The following XRCC5 variants were observed in gnomAD, a reference collection of about 807,000 sequenced individuals.
The protein encoded by XRCC5 is X-ray repair cross complementing 5, also known as DNA repair protein Ku80.
A neutral mutation model predicts 95.7 loss-of-function variants in XRCC5; 12 were observed. The observed-to-expected ratio is 0.13, with a 90% CI of 0.08 to 0.20. The LOEUF (loss-of-function observed/expected upper bound fraction) is 0.20. Among genes scored for constraint, XRCC5 ranks in the 10% least tolerant of loss-of-function variants. The pLI is 1.00. For synonymous variants in XRCC5, 281 were observed against 290.3 expected (o/e 0.97, Z 0.33); for missense variants, 595 against 873.9 (o/e 0.68, Z 4.02).
intron 8 of XRCC5, among the ~76,000 whole-genome samples, chr2:216,128,274 G>C (rs1305999220): frequency 6.6e-6 from 1 of 152,166 alleles, no homozygotes. Flanking sequence ...GATACCAAAT[G>C]ATGGTTAAGA....
At chr2:216,199,810 C>CTTTTTT (rs375975027) in intron 19 of XRCC5, among the ~76,000 whole-genome samples, 1 of 120,274 alleles carries the variant, frequency 8.3e-6, no homozygotes, top group African/African-American at 3.1e-5. Context: ...GCATTGGGAT[C>CTTTTTT]TTTTTTTTTT....
At chr2:216,176,532 A>G (rs1553577232) in intron 16 of XRCC5, among the ~76,000 whole-genome samples, 1 of 152,180 alleles carries the variant, frequency 6.6e-6, no homozygotes, top group Non-Finnish European at 1.5e-5. Flanking sequence ...TATAACATTG[A>G]TTATTATTCC....
intron 13 of XRCC5, among the ~76,000 whole-genome samples, chr2:216,147,066 CAG>C (rs1688649757): frequency 9.9e-6 from 1 of 100,826 alleles, no homozygotes; most frequent in Non-Finnish European, 2.0e-5. Context: ...AGGGAAGTGA[CAG>C]AAAATGACTG....
At chr2:216,127,805 G>A in intron 8 of XRCC5, 131 bp downstream of exon 8, 1 of 1,068,896 alleles carries the variant, frequency 9.4e-7, no homozygotes, top group South Asian at 1.9e-5. Context: ...CAGTTTGAAA[G>A]GATAATGAGA....
At chr2:216,129,759 C>T (rs1309635480) in intron 8 of XRCC5, among the ~76,000 whole-genome samples, 1 of 152,182 alleles carries the variant, frequency 6.6e-6, no homozygotes, top group Non-Finnish European at 1.5e-5. Flanking sequence ...CTGCAACCTC[C>T]ACCTCCCAGG....
intron 14 of XRCC5, among the ~76,000 whole-genome samples, chr2:216,154,415 C>T (rs945604625): frequency 3.3e-5 from 5 of 152,236 alleles, no homozygotes; most frequent in African/African-American, 9.6e-5. Flanking sequence ...GTGACTAGCA[C>T]ATGGTAAGCA....
intron 14 of XRCC5, among the ~76,000 whole-genome samples, chr2:216,148,737 G>A (rs146567909): frequency 5.8e-4 from 89 of 152,216 alleles, no homozygotes; most frequent in African/African-American, 1.6e-3. Context: ...TTCTTCAGCC[G>A]TTCTATTAGT....
chr2:216,158,613 A>G (rs1688891765), intron 14 of XRCC5, among the ~76,000 whole-genome samples: 1 of 151,594 alleles, frequency 6.6e-6, no homozygotes, highest in African/African-American at 2.4e-5. Context: ...TTTTTATTCT[A>G]CTTGCAAGAA....
At chr2:216,183,250 G>A (rs1250576485) in intron 16 of XRCC5, among the ~76,000 whole-genome samples, 2 of 152,142 alleles carry the variant, frequency 1.3e-5, no homozygotes, top group Non-Finnish European at 2.9e-5. Flanking sequence ...CTCATAGTCT[G>A]CAGGAATGGA....
chr2:216,192,562 T>A, intron 17 of XRCC5, 77 bp from the exon 18 acceptor site: 1 of 958,840 alleles, frequency 1.0e-6, no homozygotes, highest in Non-Finnish European at 1.5e-6. Flanking sequence ...CAGACCAAAC[T>A]TTGTTTGGTC....
chr2:216,115,144 C>T (rs1446816257), intron 2 of XRCC5, among the ~76,000 whole-genome samples: 2 of 149,464 alleles, frequency 1.3e-5, no homozygotes, highest in Non-Finnish European at 3.0e-5. Flanking sequence ...TTTCCTCCTG[C>T]TTTAAACCTT....
chr2:216,127,289 A>G (rs1157896989), intron 7 of XRCC5, among the ~76,000 whole-genome samples: 1 of 152,206 alleles, frequency 6.6e-6, no homozygotes, highest in Non-Finnish European at 1.5e-5. Context: ...GAGGTTTTGT[A>G]TAGAAAGTGT....
chr2:216,182,858 G>A (rs1479433884), intron 16 of XRCC5, among the ~76,000 whole-genome samples: 2 of 152,030 alleles, frequency 1.3e-5, no homozygotes, highest in East Asian at 3.9e-4. Context: ...TATGTTTAGT[G>A]GTTTTTTAAT....
intron 14 of XRCC5, among the ~76,000 whole-genome samples, chr2:216,159,491 G>A (rs1286885558): frequency 6.6e-6 from 1 of 152,104 alleles, no homozygotes; most frequent in Non-Finnish European, 1.5e-5. Context: ...AAGTTTTCGG[G>A]GAAGTTTTTT....
At chr2:216,172,692 C>T (rs1689191609) in intron 16 of XRCC5, among the ~76,000 whole-genome samples, 1 of 152,018 alleles carries the variant, frequency 6.6e-6, no homozygotes, top group African/African-American at 2.4e-5. Flanking sequence ...GCTGGTTGAA[C>T]TCCTGACCTG....
At chr2:216,184,471 T>A (rs1425814666) in intron 16 of XRCC5, among the ~76,000 whole-genome samples, 1 of 152,190 alleles carries the variant, frequency 6.6e-6, no homozygotes, top group East Asian at 1.9e-4. Flanking sequence ...ATTTAAATGA[T>A]GCCTTGCTAA....
Position 216,141,264 on chromosome 2 carries a change from A to T in XRCC5, c.1421A>T (p.Glu474Val), listed in dbSNP as rs1207859941. The change falls in exon 13 of 21, where the codon GAA (glutamate) becomes GTA (valine). Residue 474 changes from glutamate (E) to valine (V), a missense_variant. This residue lies in a region of XRCC5 where 309 missense variants were observed against 382.9 expected (regional missense o/e 0.81). Coordinates refer to ENST00000392132, the MANE Select transcript of XRCC5 (RefSeq NM_021141.4). Reference protein sequence around the residue: ...AKKDEKTDTLEDLFPTTKIPN... With the variant: ...AKKDEKTDTLVDLFPTTKIPN... ...AAAGATGAGAAGACAGACACCCTTGAAGACTTGTTTCCAACCACCAAAATC... is the reference window on the plus strand; with the variant it reads ...AAAGATGAGAAGACAGACACCCTTGTAGACTTGTTTCCAACCACCAAAATC... 3 of 1,614,052 alleles carry T rather than the reference A, an allele frequency of 1.9e-6. No homozygotes were observed. Among genetic ancestry groups the T allele is most frequent in the Non-Finnish European group, 2.5e-6 (3 of 1,180,014 alleles).
chr2:216,166,431 T>A (rs1263143903), intron 16 of XRCC5, among the ~76,000 whole-genome samples: 4 of 152,038 alleles, frequency 2.6e-5, no homozygotes, highest in Admixed American at 2.0e-4. Flanking sequence ...TCAGAAAAAA[T>A]TTTGACCACA....
intron 8 of XRCC5, 33 bp from the exon 9 acceptor site, chr2:216,130,842 A>G (rs2106009034): frequency 4.0e-6 from 6 of 1,494,152 alleles, no homozygotes; most frequent in South Asian, 1.2e-5. Flanking sequence ...GAGGCCCCAT[A>G]TGCTTAACAG....
Sources: gnomAD v4.1 joint callset for allele counts (sites outside exome capture counted in the v4.1 genomes callset) on GRCh38, gnomAD v4.1.1 for gene constraint, gnomAD v4.1.1 regional missense constraint, MANE v1.5 for transcripts, NCBI Gene and HGNC (gene_info 2026-07-23, HGNC 2026-07-21) for gene names.